The following VTI1B variants were observed in gnomAD, a reference collection of about 807,000 sequenced individuals.
VTI1B encodes the protein vesicle transport through interaction with t-SNAREs 1B.
A neutral mutation model predicts 28.6 loss-of-function variants in VTI1B; 18 were observed. That is an observed-to-expected ratio of 0.63 (90% CI 0.43 to 0.93). The LOEUF (loss-of-function observed/expected upper bound fraction) is 0.93. Among genes scored for constraint, VTI1B ranks in the 40% least tolerant of loss-of-function variants. The pLI, the probability that VTI1B is intolerant of heterozygous loss-of-function variation, is 0.00. For missense variants in VTI1B, 283 were observed against 297.0 expected (o/e 0.95, Z 0.35); for synonymous variants, 100 against 107.9 (o/e 0.93, Z 0.46).
At chr14:67,662,851 C>T (rs551571117) in intron 1 of VTI1B, among the ~76,000 whole-genome samples, 2 of 143,640 alleles carry the variant, frequency 1.4e-5, no homozygotes, top group African/African-American at 2.6e-5. Context: ...GGCAATGAGC[C>T]GAGATTGCGC....
intron 2 of VTI1B, among the ~76,000 whole-genome samples, chr14:67,661,213 G>T (rs1234302063): frequency 7.2e-6 from 1 of 139,188 alleles, no homozygotes; most frequent in African/African-American, 2.6e-5. Flanking sequence ...CAATCTTAAT[G>T]AGTTTGCTGA....
Position 67,665,455 on chromosome 14 carries a change from G to A in VTI1B, c.116-2920C>T, listed in dbSNP as rs1297149659. 2.6e-5 allele frequency among the ~76,000 whole-genome samples: 4 copies of A among 151,804 alleles called. No individual in the cohort carries two copies. In the East Asian group the frequency reaches 7.8e-4, roughly 30 times the overall value. On this transcript the variant is annotated intron_variant, in intron 1 of 5. Transcript: ENST00000554659. ...CACAGCTAATTTTTTTTTTGGTAGA[G>A]ATGGGGCCTCACTATGTTGCCTAAG...
At chr14:67,665,463 C>G (rs930613963) in intron 1 of VTI1B, among the ~76,000 whole-genome samples, 3 of 151,820 alleles carry the variant, frequency 2.0e-5, no homozygotes, top group African/African-American at 7.3e-5. Context: ...GAGATGGGGC[C>G]TCACTATGTT....
At chr14:67,664,362 T>C (rs1297582516) in intron 1 of VTI1B, among the ~76,000 whole-genome samples, 1 of 152,222 alleles carries the variant, frequency 6.6e-6, no homozygotes, top group Non-Finnish European at 1.5e-5. Context: ...CCTTTGTGTT[T>C]AGCTTATTTC....
chr14:67,652,880 A>T (rs1023893659), intron 5 of VTI1B, among the ~76,000 whole-genome samples: 2 of 151,320 alleles, frequency 1.3e-5, no homozygotes, highest in Non-Finnish European at 2.9e-5. Flanking sequence ...TGCAACCTCC[A>T]CCCCCCAGGT....
At chr14:67,660,436 A>C (rs1258576438) in intron 2 of VTI1B, among the ~76,000 whole-genome samples, 1 of 152,144 alleles carries the variant, frequency 6.6e-6, no homozygotes, top group African/African-American at 2.4e-5. Context: ...ACAGAAAAGG[A>C]GTCAGGATTC....
At chr14:67,670,999 A>T (rs2037458818) in intron 1 of VTI1B, among the ~76,000 whole-genome samples, 1 of 152,256 alleles carries the variant, frequency 6.6e-6, no homozygotes, top group Non-Finnish European at 1.5e-5. Context: ...CATGATGGGC[A>T]TTAAAGCTCT....
rs534112001 is a variant in VTI1B, at chr14:67,660,660, C to A, written c.175-738G>T. On this transcript the variant is annotated intron_variant, in intron 2 of 5. Coordinates refer to ENST00000554659, the MANE Select transcript of VTI1B (RefSeq NM_006370.3). ...ACAGGGGCCTACCCAGAGCAGTCTG[C>A]TTTAGGGGAATCAGACTTCCATTTT... is the stretch of plus-strand genomic sequence containing the variant. 7.2e-4 allele frequency among the ~76,000 whole-genome samples: 110 copies of A among 152,296 alleles called. No individual in the cohort carries two copies. In the Middle Eastern group the frequency reaches 0.01, roughly 14 times the overall value.
chr14:67,665,575 C>T (rs1478266201), intron 1 of VTI1B, among the ~76,000 whole-genome samples: 1 of 152,084 alleles, frequency 6.6e-6, no homozygotes, highest in East Asian at 1.9e-4. Context: ...CCTTGTATCC[C>T]ACTTTTTAAG....
intron 1 of VTI1B, among the ~76,000 whole-genome samples, chr14:67,667,498 G>A (rs2037415383): frequency 6.6e-6 from 1 of 152,128 alleles, no homozygotes; most frequent in Non-Finnish European, 1.5e-5. Flanking sequence ...CCTTGTAAGG[G>A]TTGTTTGAAA....
intron 4 of VTI1B, among the ~76,000 whole-genome samples, chr14:67,655,028 CAAAAA>C (rs34482334): frequency 2.3e-5 from 1 of 43,504 alleles, no homozygotes; most frequent in Admixed American, 3.4e-4. Context: ...GACTCCATCT[CAAAAA>C]AAAAAAAAAA....
intron 4 of VTI1B, among the ~76,000 whole-genome samples, chr14:67,655,217 T>C (rs963718016): frequency 9.2e-5 from 14 of 151,818 alleles, no homozygotes; most frequent in African/African-American, 3.4e-4. Context: ...AGCACATGCC[T>C]GTATCGCAGC....
In VTI1B at chr14:67,656,562, G is replaced by T. The variant is rs1258297200; in HGVS notation, c.394C>A (p.Leu132Ile). 6.2e-7 allele frequency: 1 copy of T among 1,612,440 alleles called. No individual in the cohort carries two copies. Among genetic ancestry groups the T allele is most frequent in the East Asian group, 2.2e-5 (1 of 44,874 alleles). The change falls in exon 4 of 6, where the codon CTT (leucine) becomes ATT (isoleucine). Residue 132 changes from leucine to isoleucine, a missense_variant. Coordinates refer to ENST00000554659, the MANE Select transcript of VTI1B (RefSeq NM_006370.3). ...MNRLQSQRAM[L>I]LQGTESLNRA... ...TTCAGGCTTTCAGTGCCCTGCAGAA[G>T]CATTGCCCTTTGAGACTGTAGCCGA...
intron 3 of VTI1B, among the ~76,000 whole-genome samples, 162 bp from the exon 4 acceptor site, chr14:67,656,751 C>T (rs2037263518): frequency 6.6e-6 from 1 of 152,204 alleles, no homozygotes; most frequent in Non-Finnish European, 1.5e-5. Flanking sequence ...TTCAAGGTCA[C>T]AGACTAAAGC....
Position 67,656,405 on chromosome 14 carries a change from C to A in VTI1B, c.540+11G>T. 6.3e-7 allele frequency: 1 copy of A among 1,591,746 alleles called. No individual in the cohort carries two copies. The highest frequency in any genetic ancestry group is 1.7e-5 in the Admixed American group (1 of 58,878). On this transcript the variant is annotated intron_variant, in intron 4 of 5. Coordinates refer to ENST00000554659, the MANE Select transcript of VTI1B (RefSeq NM_006370.3). ...CCATACTTGCCCCTTTCCCTGTCTG[C>A]CCAGACTTACTCTACTCTTGGTACG...
rs755216190 is a variant in VTI1B at position 67,674,527 on chromosome 14, G to A, written c.-38C>T. The stretch of plus-strand genomic sequence containing the variant: ...GCTGGAGCAGCGGCCACCGAGATTC[G>A]GGGCCCTGGGCCCTTTCCTAGCCCG... On this transcript the variant is annotated 5_prime_UTR_variant, in exon 1 of 6. Coordinates refer to ENST00000554659, the MANE Select transcript of VTI1B (RefSeq NM_006370.3). 23 of 1,548,446 alleles carry A rather than the reference G, an allele frequency of 1.5e-5. No individual in the cohort carries two copies. Among genetic ancestry groups the A allele is most frequent in the Non-Finnish European group, 1.9e-5 (22 of 1,147,262 alleles).
intron 2 of VTI1B, among the ~76,000 whole-genome samples, chr14:67,662,161 A>AAAC (rs964012373): frequency 4.6e-5 from 7 of 151,210 alleles, no homozygotes; most frequent in South Asian, 2.1e-4. Context: ...GTCTCAAAAC[A>AAAC]AACAACAACA....
At position 67,647,263 on chromosome 14, in the gene VTI1B, C is replaced by A; in HGVS notation, c.*4122G>T. ...CTGTCTCATGAATTTTTCTTTATCT[C>A]CATCTTTAATGCTTATCTTCTGAGA... On this transcript the variant is annotated 3_prime_UTR_variant, in exon 6 of 6. Coordinates refer to ENST00000554659, the MANE Select transcript of VTI1B (RefSeq NM_006370.3). 1 of 426,486 alleles carries A rather than the reference C, an allele frequency of 2.3e-6. No homozygotes were observed. The highest frequency in any genetic ancestry group is 4.2e-6 in the Non-Finnish European group (1 of 239,906). The allele number at this position is 426,486 out of a possible 1,614,324, so 26.4% of individuals were successfully genotyped here. A position where few individuals can be genotyped will look rare whatever the true frequency, so the allele number is the denominator to read the frequency against.
In VTI1B at chr14:67,650,278, T is replaced by G; in HGVS notation, c.*1107A>C. 1 of 220,630 alleles carries G rather than the reference T, an allele frequency of 4.5e-6. No individual in the cohort carries two copies. Among genetic ancestry groups the G allele is most frequent in the Admixed American group, 5.2e-5 (1 of 19,144 alleles). The allele number at this position is 220,630 out of a possible 1,614,324, so 13.7% of individuals were successfully genotyped here. ...TTAGAGTTCAAAAGTGGGAATGCAG[T>G]TTGGCTAGTGCAAGTGGCAGATTTC... On this transcript the variant is annotated 3_prime_UTR_variant, in exon 6 of 6. Transcript: ENST00000554659.
Sources: allele counts gnomAD v4.1 joint callset (sites outside exome capture counted in the v4.1 genomes callset), GRCh38; gene constraint gnomAD v4.1.1; transcripts MANE v1.5; gene names NCBI Gene and HGNC (gene_info 2026-07-23, HGNC 2026-07-21).